PDE9A: variants seen among roughly 807,000 people sequenced by gnomAD.
PDE9A encodes high affinity cGMP-specific 3',5'-cyclic phosphodiesterase 9A.
Under a neutral mutation model 87.4 loss-of-function variants are expected in PDE9A, and 60 were observed. That is an observed-to-expected ratio of 0.69 (90% confidence interval 0.56 to 0.85). PDE9A has a LOEUF of 0.85. Ranked by LOEUF, PDE9A falls within the 40% of genes least tolerant of loss-of-function variation. The pLI, the probability that PDE9A is intolerant of heterozygous loss-of-function variation, is 0.00. For missense variants in PDE9A, 665 were observed against 779.0 expected (o/e 0.85, Z 1.74); for synonymous variants, 272 against 279.4 (o/e 0.97, Z 0.27).
intron 18 of PDE9A, among the ~76,000 whole-genome samples, chr21:42,771,769 C>T (rs1373681157): frequency 6.6e-6 from 1 of 152,272 alleles, no homozygotes; most frequent in Non-Finnish European, 1.5e-5. Flanking sequence ...CCGCCTGGAG[C>T]GCCATGCCAG....
At chr21:42,688,494 G>A (rs1229964340) in intron 3 of PDE9A, among the ~76,000 whole-genome samples, 2 of 152,192 alleles carry the variant, frequency 1.3e-5, no homozygotes, top group African/African-American at 2.4e-5. Context: ...GAAAGCCTCC[G>A]TGAATGTCTG....
Position 42,710,785 on chromosome 21 carries a change from C to T in PDE9A, c.262+11774C>T, listed in dbSNP as rs539478531. On this transcript the variant is annotated intron_variant, in intron 4 of 19. Coordinates refer to ENST00000291539, the MANE Select transcript of PDE9A (RefSeq NM_002606.3). ...GGTGGATTACCTGCGGTCAAGAGTT[C>T]GAGACCAGCCTGACCAACATGGTGA... Among the ~76,000 whole-genome samples, 7 of 152,236 alleles carry T rather than the reference C, an allele frequency of 4.6e-5. No individual in the cohort carries two copies. In the South Asian group the frequency reaches 8.3e-4, roughly 18 times the overall value.
At chr21:42,766,717 C>T (rs890467597) in intron 15 of PDE9A, among the ~76,000 whole-genome samples, 10 of 152,328 alleles carry the variant, frequency 6.6e-5, no homozygotes, top group African/African-American at 1.2e-4. Context: ...TCACATAGAG[C>T]GGCTTCCTGG....
chr21:42,772,530 G>A lies in PDE9A; in HGVS notation c.1768+10G>A. 1.3e-6 allele frequency: 2 copies of A among 1,576,296 alleles called. No homozygotes were observed. Among genetic ancestry groups the A allele is most frequent in the South Asian group, 2.3e-5 (2 of 86,974 alleles). On this transcript the variant is annotated intron_variant, in intron 19 of 19. Transcript: ENST00000291539. The stretch of plus-strand genomic sequence containing the variant: ...GTGAAAAACAGTGAAGGTAATGCTT[G>A]CTCTGCTGAAGTGGCATCTCAGCGC...
intron 3 of PDE9A, among the ~76,000 whole-genome samples, chr21:42,690,669 G>T (rs1023914534): frequency 6.6e-6 from 1 of 151,984 alleles, no homozygotes; most frequent in African/African-American, 2.4e-5. Context: ...GCCTCACTGA[G>T]CTCTGACCTC....
At chr21:42,731,671 G>A in intron 4 of PDE9A, 99 bp from the exon 5 acceptor site, 1 of 1,202,324 alleles carries the variant, frequency 8.3e-7, no homozygotes, top group Admixed American at 2.1e-5. Flanking sequence ...GACGTGCCTT[G>A]CACTCACTTT....
chr21:42,665,777 G>C (rs1314708614), intron 1 of PDE9A, among the ~76,000 whole-genome samples: 1 of 152,238 alleles, frequency 6.6e-6, no homozygotes, highest in Non-Finnish European at 1.5e-5. Context: ...ACTGGCACGA[G>C]AACCAGTAAC....
chr21:42,665,850 G>T (rs770479067), intron 1 of PDE9A, among the ~76,000 whole-genome samples: 1 of 152,188 alleles, frequency 6.6e-6, no homozygotes, highest in Non-Finnish European at 1.5e-5. Context: ...TGCTCGGCTG[G>T]GCCAGGGATG....
In PDE9A at chr21:42,704,458, A is replaced by G. The variant is rs551773997; in HGVS notation, c.262+5447A>G. ...AACACACACACACACACACACACAC[A>G]CACACACACACAGCTTTCCTGAGAA... On this transcript the variant is annotated intron_variant, in intron 4 of 19. Transcript: ENST00000291539. This position sits in a 1 kb window ranked among gnomAD's most constrained non-coding sequence, Gnocchi z 5.3. Among the ~76,000 whole-genome samples the G allele has an allele frequency of 1.3e-5, 2 of 151,214 alleles. No individual in the cohort carries two copies. The highest frequency in any genetic ancestry group is 4.9e-5 in the African/African-American group (2 of 41,082).
intron 14 of PDE9A, among the ~76,000 whole-genome samples, chr21:42,763,972 C>T (rs956168857): frequency 2.2e-4 from 33 of 152,218 alleles, no homozygotes; most frequent in African/African-American, 7.7e-4. Flanking sequence ...CGGCCTCTTG[C>T]GAAATTGTCA....
chr21:42,728,255 T>A (rs182028575), intron 4 of PDE9A, among the ~76,000 whole-genome samples: 1 of 152,198 alleles, frequency 6.6e-6, no homozygotes, highest in Non-Finnish European at 1.5e-5. Flanking sequence ...ATCCTTGGAT[T>A]TTGGCATCCT....
intron 7 of PDE9A, among the ~76,000 whole-genome samples, chr21:42,740,117 A>G (rs1252104349): frequency 6.6e-6 from 1 of 152,202 alleles, no homozygotes; most frequent in Non-Finnish European, 1.5e-5. Context: ...ACATACATAG[A>G]TAGATACTAT....
intron 3 of PDE9A, chr21:42,689,687 T>C (rs548113960): frequency 2.0e-6 from 2 of 985,418 alleles, no homozygotes; most frequent in South Asian, 4.7e-5. Flanking sequence ...CCCAGGTGCC[T>C]TATTAACAAG....
In PDE9A at chr21:42,733,236, GC is replaced by G. The variant is rs2052023462; in HGVS notation, c.498-117del. ...ATGTTGGCACCTCAGACCCTCACCA[GC>G]CCACCTAGAGGCCTTGCCCATGCCC... On this transcript the variant is annotated intron_variant, in intron 6 of 19. Coordinates refer to ENST00000291539, the MANE Select transcript of PDE9A (RefSeq NM_002606.3). 3.6e-5 allele frequency: 24 copies of G among 662,092 alleles called. No homozygotes were observed. The South Asian group carries it at 4.0e-4, about 11-fold the overall frequency. The allele number at this position is 662,092 out of a possible 1,614,324, so 41.0% of individuals were successfully genotyped here. A position where few individuals can be genotyped will look rare whatever the true frequency, so the allele number is the denominator to read the frequency against.
intron 1 of PDE9A, among the ~76,000 whole-genome samples, chr21:42,665,945 A>T (rs1281444653): frequency 6.6e-6 from 1 of 152,166 alleles, no homozygotes; most frequent in East Asian, 1.9e-4. Context: ...GCCCCGTTGA[A>T]GTCAGTTGGG....
chr21:42,744,544 C>G (rs1457816799), intron 8 of PDE9A, among the ~76,000 whole-genome samples: 4 of 152,152 alleles, frequency 2.6e-5, no homozygotes, highest in Admixed American at 2.6e-4. Context: ...CCCAGGGACC[C>G]GGTTCCTTGT....
chr21:42,735,738 C>T (rs569504508), intron 7 of PDE9A, among the ~76,000 whole-genome samples: 1 of 152,320 alleles, frequency 6.6e-6, no homozygotes, highest in African/African-American at 2.4e-5. Context: ...ATGGGCCCAT[C>T]TCCAGATCCC....
intron 3 of PDE9A, chr21:42,689,728 C>T (rs1004833514): frequency 2.0e-6 from 2 of 985,440 alleles, no homozygotes; most frequent in African/African-American, 3.5e-5. Context: ...GACAAAAGCC[C>T]TCCTGAGCCC....
chr21:42,759,172 C>T lies in PDE9A; in HGVS notation c.897+87C>T. 1.0e-6 allele frequency: 1 copy of T among 955,230 alleles called. No individual in the cohort carries two copies. Among genetic ancestry groups the T allele is most frequent in the Non-Finnish European group, 1.7e-6 (1 of 596,810 alleles). 59.2% of individuals were successfully genotyped at this position (955,230 alleles called of 1,614,324 possible). A position where few individuals can be genotyped will look rare whatever the true frequency, so the allele number is the denominator to read the frequency against. On this transcript the variant is annotated intron_variant, in intron 11 of 19. Coordinates refer to ENST00000291539, the MANE Select transcript of PDE9A (RefSeq NM_002606.3). The surrounding 1 kb of genome is among the most constrained non-coding windows in gnomAD (Gnocchi z 7.2). ...ATGGAGGGAATGGATCACCAGGGCA[C>T]CTTCCGGATGGCACTGCGCTCCCTG...
Sources: gnomAD v4.1 joint callset for allele counts (sites outside exome capture counted in the v4.1 genomes callset) on GRCh38, gnomAD v4.1.1 for gene constraint, Gnocchi (gnomAD v3.1) non-coding constraint, MANE v1.5 for transcripts, NCBI Gene and HGNC (gene_info 2026-07-23, HGNC 2026-07-21) for gene names.